The following KHK variants were observed in gnomAD, a reference collection of about 807,000 sequenced individuals.
The protein encoded by KHK is fructokinase.
In KHK, 37 loss-of-function variants were observed where a neutral mutation model predicts 36.0. That is an observed-to-expected ratio of 1.03 (90% CI 0.79 to 1.35). The LOEUF is 1.35. KHK is among the 40% of genes most tolerant of loss of function. The pLI, the probability that KHK is intolerant of heterozygous loss-of-function variation, is 0.00. For missense variants in KHK, 395 were observed against 391.9 expected, an observed-to-expected ratio of 1.01 and a Z score of -0.07; for synonymous variants, 161 against 162.8, an observed-to-expected ratio of 0.99 and a Z score of 0.08.
rs1244293269 is a variant in KHK, at chr2:27,099,186, C to T, written c.565-10C>T. ...GAAGTGACCACCAGCTTCTCTTCCA[C>T]TGCCCACAGGTGTTTGTCAGCAAAG... On this transcript the variant is annotated splice_polypyrimidine_tract_variant and intron_variant, in intron 5 of 7. Coordinates refer to ENST00000260598, the MANE Select transcript of KHK (RefSeq NM_006488.3). The T allele has an allele frequency of 1.9e-6, 3 of 1,613,896 alleles. No individual in the cohort carries two copies. In the African/African-American group the frequency reaches 4.0e-5, roughly 22 times the overall value.
In KHK at chr2:27,099,829, G is replaced by A. The variant is rs75067630; in HGVS notation, c.*79G>A. On this transcript the variant is annotated 3_prime_UTR_variant, in exon 8 of 8. Transcript: ENST00000260598. ...CCTTCTCCCCTCCATCCAGCCTGGCGTCCAGGTTGCCCTGTTCAGGGGACA... is the reference window on the plus strand; with the variant it reads ...CCTTCTCCCCTCCATCCAGCCTGGCATCCAGGTTGCCCTGTTCAGGGGACA... 1.9e-3 allele frequency: 2,986 copies of A among 1,564,760 alleles called. 52 individuals carry two copies. The African/African-American group carries it at 0.035, about 18-fold the overall frequency.
intron 4 of KHK, 60 bp from the exon 5 acceptor site, chr2:27,097,443 G>C: frequency 6.2e-7 from 1 of 1,608,256 alleles, no homozygotes; most frequent in African/African-American, 1.3e-5. Context: ...GGGGCAGGAA[G>C]AATGAGGCAG....
chr2:27,094,396 C>A, intron 2 of KHK: 1 of 1,556,986 alleles, frequency 6.4e-7, no homozygotes, highest in Non-Finnish European at 8.8e-7. Flanking sequence ...TTTCAGGGTC[C>A]CTAGTGGCCC....
Position 27,099,408 on chromosome 2 carries a change from G to C in KHK, c.654-12G>C, listed in dbSNP as rs374688541. On this transcript the variant is annotated splice_polypyrimidine_tract_variant and intron_variant, in intron 6 of 7. Transcript: ENST00000260598. ...GTGGGCTAACACCCAGCTGAGTGGA[G>C]CCGTCTTGCAGGGCTGTGCTTGTCT... is the stretch of plus-strand genomic sequence containing the variant. 1 of 1,612,878 alleles carries C rather than the reference G, an allele frequency of 6.2e-7. No homozygotes were observed. The highest frequency in any genetic ancestry group is 8.5e-7 in the Non-Finnish European group (1 of 1,179,144).
chr2:27,098,847 C>A, intron 5 of KHK: 1 of 284,942 alleles, frequency 3.5e-6, no homozygotes, highest in Non-Finnish European at 7.0e-6. Context: ...ACAAACGGAC[C>A]AGGCCTTTTG....
chr2:27,091,929 G>A (rs957130072), intron 1 of KHK, among the ~76,000 whole-genome samples: 1 of 152,054 alleles, frequency 6.6e-6, no homozygotes, highest in Non-Finnish European at 1.5e-5. Context: ...TAGTCCCCGA[G>A]GTCCTTGGAG....
intron 1 of KHK, 44 bp from the exon 2 acceptor site, chr2:27,092,288 G>C (rs756304243): frequency 6.8e-7 from 1 of 1,472,962 alleles, no homozygotes; most frequent in African/African-American, 1.4e-5. Context: ...CTGTGCTTGG[G>C]ATCAGCCTGC....
intron 2 of KHK, chr2:27,094,339 CTG>C (rs1670192066): frequency 1.0e-6 from 1 of 1,002,962 alleles, no homozygotes; most frequent in Non-Finnish European, 1.6e-6. Context: ...TGTGGCAAGA[CTG>C]TGATTCCCAG....
chr2:27,095,378 A>G (rs1305585868), intron 3 of KHK, among the ~76,000 whole-genome samples: 1 of 152,220 alleles, frequency 6.6e-6, no homozygotes, highest in Non-Finnish European at 1.5e-5. Context: ...AGCCTGCAGC[A>G]TGGCACCAAG....
chr2:27,099,031 A>G (rs1001105483), intron 5 of KHK, 165 bp from the exon 6 acceptor site: 5 of 724,534 alleles, frequency 6.9e-6, no homozygotes, highest in Non-Finnish European at 1.0e-5. Context: ...CTTCACAAAA[A>G]ATAAAGAAAA....
In KHK at chr2:27,099,687, G is replaced by C; in HGVS notation, c.834G>C (p.Leu278=). 6.2e-7 allele frequency: 1 copy of C among 1,614,186 alleles called. No homozygotes were observed. Among genetic ancestry groups the C allele is most frequent in the Non-Finnish European group, 8.5e-7 (1 of 1,180,028 alleles). The change falls in exon 8 of 8, where the codon CTG becomes CTC. Residue 278 remains leucine (L), a synonymous_variant. Coordinates refer to ENST00000260598, the MANE Select transcript of KHK (RefSeq NM_006488.3). ...CAGGGAGGAGCGTGCAGGAAGCACTGAGATTCGGGTGCCAGGTGGCCGGCA... is the reference window on the plus strand; with the variant it reads ...CAGGGAGGAGCGTGCAGGAAGCACTCAGATTCGGGTGCCAGGTGGCCGGCA... ...LSQGRSVQEA[L]RFGCQVAGKK...
At chr2:27,089,625 A>T (rs1472705213) in intron 1 of KHK, among the ~76,000 whole-genome samples, 1 of 152,154 alleles carries the variant, frequency 6.6e-6, no homozygotes, top group East Asian at 1.9e-4. Flanking sequence ...TCCCATGTCC[A>T]TCATGCTTCC....
At chr2:27,090,345 A>C (rs1358215956) in intron 1 of KHK, among the ~76,000 whole-genome samples, 1 of 151,950 alleles carries the variant, frequency 6.6e-6, no homozygotes, top group Non-Finnish European at 1.5e-5. Flanking sequence ...TTAACTATTG[A>C]TCAAGTCAGA....
Position 27,100,380 on chromosome 2 carries a change from G to T in KHK, c.*630G>T. ...CCAGAAATACCTCCTCCCGCTGACT[G>T]CCCCAGAGCCTGAAAGTCTCACCCT... On this transcript the variant is annotated 3_prime_UTR_variant, in exon 8 of 8. Transcript: ENST00000260598. The T allele has an allele frequency of 8.1e-7, 1 of 1,240,260 alleles. No individual in the cohort carries two copies. Among genetic ancestry groups the T allele is most frequent in the Non-Finnish European group, 1.1e-6 (1 of 943,038 alleles). 76.8% of individuals were successfully genotyped at this position (1,240,260 alleles called of 1,614,324 possible).
rs1408203779 is a variant in KHK at position 27,100,151 on chromosome 2, G to A, written c.*401G>A. The A allele has an allele frequency of 7.9e-6, 4 of 509,112 alleles. No individual in the cohort carries two copies. Among genetic ancestry groups the A allele is most frequent in the South Asian group, 2.0e-5 (1 of 49,100 alleles). 31.5% of individuals were successfully genotyped at this position (509,112 alleles called of 1,614,324 possible). A position where few individuals can be genotyped will look rare whatever the true frequency, so the allele number is the denominator to read the frequency against. ...TGCCACCAGCTCTGCCCTGGCTGGG[G>A]AGGACACTCGGTGCCCCACACCCAG... On this transcript the variant is annotated 3_prime_UTR_variant, in exon 8 of 8. Coordinates refer to ENST00000260598, the MANE Select transcript of KHK (RefSeq NM_006488.3).
chr2:27,098,156 G>T (rs1352532620), intron 5 of KHK, among the ~76,000 whole-genome samples: 3 of 152,128 alleles, frequency 2.0e-5, no homozygotes, highest in African/African-American at 7.2e-5. Flanking sequence ...CATAGCAGAA[G>T]TTGGTTGGAG....
chr2:27,096,827 A>G (rs1480989458), intron 4 of KHK, 26 bp downstream of exon 4: 1 of 1,572,774 alleles, frequency 6.4e-7, no homozygotes, highest in East Asian at 2.2e-5. Flanking sequence ...CCTGTGTTTC[A>G]AGGGGCTCAA....
In KHK at chr2:27,086,867, A is replaced by G. The variant is rs1040697313; in HGVS notation, c.-393A>G. ...CAGGAGAGTGCGGGGCAAGTAGCGC[A>G]TTTTCTCTTTGCATTCTCGAGATCG... On this transcript the variant is annotated 5_prime_UTR_variant, in exon 1 of 8. Coordinates refer to ENST00000260598, the MANE Select transcript of KHK (RefSeq NM_006488.3). The G allele has an allele frequency of 5.8e-6, 1 of 171,640 alleles. No homozygotes were observed. The highest frequency in any genetic ancestry group is 1.3e-5 in the Non-Finnish European group (1 of 79,284). 10.6% of individuals were successfully genotyped at this position (171,640 alleles called of 1,614,324 possible). A position where few individuals can be genotyped will look rare whatever the true frequency, so the allele number is the denominator to read the frequency against.
At chr2:27,097,695 G>A in intron 5 of KHK, 46 bp downstream of exon 5, 1 of 1,612,840 alleles carries the variant, frequency 6.2e-7, no homozygotes, top group Non-Finnish European at 8.5e-7. Flanking sequence ...AGCTAATTTG[G>A]TTCTTAAAGG....
Sources: allele counts gnomAD v4.1 joint callset (sites outside exome capture counted in the v4.1 genomes callset), GRCh38; gene constraint gnomAD v4.1.1; transcripts MANE v1.5; gene names NCBI Gene and HGNC (gene_info 2026-07-23, HGNC 2026-07-21).